PRKN: variants seen among roughly 807,000 people sequenced by gnomAD.
The protein encoded by PRKN is parkin RBR E3 ubiquitin protein ligase.
Under a neutral mutation model 59.5 loss-of-function variants are expected in PRKN, and 56 were observed. The observed-to-expected ratio is 0.94, with a 90% CI of 0.76 to 1.18. PRKN has a LOEUF of 1.18. Ranked by LOEUF, PRKN falls within the 50% of genes most tolerant of loss-of-function variation. The pLI is 0.00. For synonymous variants in PRKN, 250 were observed against 222.1 expected, an observed-to-expected ratio of 1.13 and a Z score of -1.12; for missense variants, 657 against 596.4, an observed-to-expected ratio of 1.10 and a Z score of -1.06.
At chr6:161,679,620 G>T (rs1181409777) in intron 7 of PRKN, among the ~76,000 whole-genome samples, 2 of 141,882 alleles carry the variant, frequency 1.4e-5, no homozygotes, top group Non-Finnish European at 3.0e-5. Context: ...CAAAAGTACT[G>T]GAAAATGGGG....
chr6:161,624,054 T>C (rs1254423753), intron 7 of PRKN, among the ~76,000 whole-genome samples: 1 of 152,334 alleles, frequency 6.6e-6, no homozygotes, highest in East Asian at 1.9e-4. Flanking sequence ...CTCAGTCTGG[T>C]CTCAAATCCG....
intron 9 of PRKN, among the ~76,000 whole-genome samples, chr6:161,501,441 C>T (rs1301461037): frequency 6.6e-6 from 1 of 152,092 alleles, no homozygotes; most frequent in Non-Finnish European, 1.5e-5. Context: ...TTCTGTTCAG[C>T]TCTTTTGCCC....
intron 2 of PRKN, chr6:162,263,257 C>T: frequency 4.7e-6 from 1 of 211,608 alleles, no homozygotes; most frequent in South Asian, 7.6e-5. Flanking sequence ...GAAAAATATT[C>T]TTAAATAGTA....
At chr6:161,748,362 T>C (rs1370634151) in intron 7 of PRKN, among the ~76,000 whole-genome samples, 1 of 152,230 alleles carries the variant, frequency 6.6e-6, no homozygotes, top group South Asian at 2.1e-4. Context: ...CGTTTTTTTT[T>C]TGTCTGTGTA....
rs1554288856 is a variant in PRKN, at chr6:162,235,961, G to GAAAGAAAAAGAAAGAAAGAAAGA, written c.412+26563_412+26564insTCTTTCTTTCTTTCTTTTTCTTT. Among the ~76,000 whole-genome samples, 6 of 54,378 alleles carry GAAAGAAAAAGAAAGAAAGAAAGA rather than the reference G, an allele frequency of 1.1e-4. No individual in the cohort carries two copies. In the East Asian group the frequency reaches 4.4e-3, roughly 40 times the overall value. The allele number at this position is 54,378 out of a possible 152,430, so 35.7% of individuals were successfully genotyped here. A position where few individuals can be genotyped will look rare whatever the true frequency, so the allele number is the denominator to read the frequency against. On this transcript the variant is annotated intron_variant, in intron 3 of 11. Coordinates refer to ENST00000366898, the MANE Select transcript of PRKN (RefSeq NM_004562.3). ...AGGAAGGAAGGAAGGAAGAAAGGAA[G>GAAAGAAAAAGAAAGAAAGAAAGA]AAAGAAAGAAAGAAAGAAAGAAAGA...
At chr6:162,639,168 G>A (rs1777865609) in intron 1 of PRKN, among the ~76,000 whole-genome samples, 3 of 152,112 alleles carry the variant, frequency 2.0e-5, no homozygotes, top group Admixed American at 2.0e-4. Flanking sequence ...CTAGCTTCCT[G>A]ATTCACCGCA....
intron 6 of PRKN, among the ~76,000 whole-genome samples, chr6:161,836,456 A>C (rs1792760809): frequency 6.6e-6 from 1 of 152,150 alleles, no homozygotes; most frequent in Non-Finnish European, 1.5e-5. Context: ...CATGCAATCA[A>C]TTTTCAATTT....
intron 6 of PRKN, among the ~76,000 whole-genome samples, chr6:161,810,762 T>C (rs566647252): frequency 1.3e-5 from 2 of 152,314 alleles, no homozygotes; most frequent in African/African-American, 4.8e-5. Flanking sequence ...ATACTAGGCA[T>C]TGGAAAAATC....
At chr6:161,589,151 T>G (rs1410970441) in intron 7 of PRKN, among the ~76,000 whole-genome samples, 1 of 152,206 alleles carries the variant, frequency 6.6e-6, no homozygotes, top group Non-Finnish European at 1.5e-5. Context: ...AGAAACCTGC[T>G]GAAATACACC....
Position 162,626,496 on chromosome 6 carries a change from T to G in PRKN, c.7+101166A>C, listed in dbSNP as rs532074463. Reference sequence around the variant, plus strand: ...CACAGATGAAAGAAACAGAATACTTTATAATATTTAAAAAAACTATCTGGA... The same window carrying G: ...CACAGATGAAAGAAACAGAATACTTGATAATATTTAAAAAAACTATCTGGA... On this transcript the variant is annotated intron_variant, in intron 1 of 11. Coordinates refer to ENST00000366898, the MANE Select transcript of PRKN (RefSeq NM_004562.3). Among the ~76,000 whole-genome samples, 20 of 152,232 alleles carry G rather than the reference T, an allele frequency of 1.3e-4. No individual in the cohort carries two copies. The South Asian group carries it at 1.7e-3, about 13-fold the overall frequency.
At chr6:162,174,233 C>T (rs184217780) in intron 4 of PRKN, among the ~76,000 whole-genome samples, 1 of 152,264 alleles carries the variant, frequency 6.6e-6, no homozygotes, top group East Asian at 1.9e-4. Flanking sequence ...CTAAGAAATA[C>T]TTACACATAT....
intron 5 of PRKN, among the ~76,000 whole-genome samples, chr6:161,994,174 A>G (rs891484730): frequency 1.3e-5 from 2 of 152,128 alleles, no homozygotes; most frequent in Non-Finnish European, 2.9e-5. Flanking sequence ...ATGGTTGAAC[A>G]TAAACAGATC....
intron 2 of PRKN, among the ~76,000 whole-genome samples, chr6:162,441,190 C>G (rs1790031516): frequency 6.6e-6 from 1 of 152,124 alleles, no homozygotes; most frequent in African/African-American, 2.4e-5. Flanking sequence ...CATCCTTCCC[C>G]CAACCAAACC....
At chr6:161,781,189 A>T (rs61211291) in intron 7 of PRKN, among the ~76,000 whole-genome samples, 10,482 of 152,264 alleles carry the variant, frequency 0.069, 856 homozygotes, top group African/African-American at 0.2. Context: ...ATGTAACTTT[A>T]GCACTTGTAG....
chr6:162,714,324 G>C (rs781450505), intron 1 of PRKN, among the ~76,000 whole-genome samples: 34 of 152,294 alleles, frequency 2.2e-4, no homozygotes, highest in Non-Finnish European at 4.0e-4. Context: ...TTTGCTTTGC[G>C]TCACGGGGCC....
At chr6:161,605,300 C>T (rs1407461400) in intron 7 of PRKN, among the ~76,000 whole-genome samples, 3 of 152,038 alleles carry the variant, frequency 2.0e-5, no homozygotes, top group East Asian at 1.9e-4. Context: ...GCTATGTACC[C>T]GTATGTGTAT....
At chr6:162,047,603 T>C (rs1777437343) in intron 5 of PRKN, among the ~76,000 whole-genome samples, 1 of 149,558 alleles carries the variant, frequency 6.7e-6, no homozygotes, top group South Asian at 2.1e-4. Flanking sequence ...AAATTCTGAG[T>C]CTCATTTTCT....
intron 1 of PRKN, among the ~76,000 whole-genome samples, chr6:162,579,746 TCACA>T (rs973370285): frequency 4.0e-5 from 6 of 151,570 alleles, no homozygotes; most frequent in East Asian, 2.0e-4. Flanking sequence ...ACACACACAT[TCACA>T]CACATTTACA....
At chr6:162,705,829 C>A (rs2128237626) in intron 1 of PRKN, among the ~76,000 whole-genome samples, 1 of 152,160 alleles carries the variant, frequency 6.6e-6, no homozygotes, top group Admixed American at 6.5e-5. Context: ...TATAAGTAAA[C>A]TCAGGAGCTA....
Sources: allele counts gnomAD v4.1 joint callset (sites outside exome capture counted in the v4.1 genomes callset), GRCh38; gene constraint gnomAD v4.1.1; transcripts MANE v1.5; gene names NCBI Gene and HGNC (gene_info 2026-07-23, HGNC 2026-07-21).